The following RAB5A variants were observed in gnomAD, a reference collection of about 807,000 sequenced individuals.
The protein encoded by RAB5A is ras-related protein Rab-5A.
In RAB5A, 8 loss-of-function variants were observed where a neutral mutation model predicts 25.7. That is an observed-to-expected ratio of 0.31 (90% CI 0.18 to 0.56). RAB5A has a LOEUF of 0.56. Ranked by LOEUF, RAB5A falls within the 20% of genes least tolerant of loss-of-function variation. The pLI, the probability that RAB5A is intolerant of heterozygous loss-of-function variation, is 0.91. For missense variants in RAB5A, 192 were observed against 259.7 expected (o/e 0.74, Z 1.79); for synonymous variants, 98 against 89.8 (o/e 1.09, Z -0.52).
chr3:19,976,927 T>C (rs182583421), intron 4 of RAB5A, among the ~76,000 whole-genome samples: 64 of 152,248 alleles, frequency 4.2e-4, no homozygotes, highest in African/African-American at 1.5e-3. Context: ...AGTTGGAAAA[T>C]AATAAGCTAA....
At chr3:19,981,761 C>T (rs1420429556) in intron 5 of RAB5A, among the ~76,000 whole-genome samples, 1 of 152,010 alleles carries the variant, frequency 6.6e-6, no homozygotes, top group African/African-American at 2.4e-5. Flanking sequence ...CAGCCACTAG[C>T]TGTATAGAGC....
At chr3:19,962,463 GA>G (rs11322428) in intron 2 of RAB5A, among the ~76,000 whole-genome samples, 108,976 of 151,818 alleles carry the variant, frequency 0.72, 39,772 homozygotes, top group Non-Finnish European at 0.77. Flanking sequence ...AGTTACTCGG[GA>G]AGGCTGAGGC....
rs542224748 is a variant in RAB5A at position 19,983,872 on chromosome 3, A to G, written c.*49A>G. ...ATAGTCTTCTGCTTCCTAAATGTTA[A>G]TAACAATGGAATTGGAGCATTTAAC... On this transcript the variant is annotated 3_prime_UTR_variant, in exon 6 of 6. Transcript: ENST00000273047. 1 of 1,282,364 alleles carries G rather than the reference A, an allele frequency of 7.8e-7. No homozygotes were observed. The highest frequency in any genetic ancestry group is 1.3e-5 in the South Asian group (1 of 78,068). The allele number at this position is 1,282,364 out of a possible 1,614,324, so 79.4% of individuals were successfully genotyped here. A position where few individuals can be genotyped will look rare whatever the true frequency, so the allele number is the denominator to read the frequency against.
At chr3:19,970,504 C>G (rs757750945) in intron 2 of RAB5A, 20 of 456,358 alleles carry the variant, frequency 4.4e-5, no homozygotes, top group Non-Finnish European at 7.1e-5. Context: ...GCACCCACAT[C>G]TCAACGCAGC....
At chr3:19,970,180 G>A (rs372311857) in intron 2 of RAB5A, among the ~76,000 whole-genome samples, 16 of 152,302 alleles carry the variant, frequency 1.1e-4, no homozygotes, top group East Asian at 3.9e-4. Flanking sequence ...GATTACAGGC[G>A]TGAGCCACTA....
chr3:19,949,627 A>G (rs1259754472), intron 1 of RAB5A, among the ~76,000 whole-genome samples: 1 of 152,250 alleles, frequency 6.6e-6, no homozygotes, highest in Non-Finnish European at 1.5e-5. Context: ...GAAACTGTTA[A>G]GATTGGTTTG....
At chr3:19,953,411 C>CTTTTT (rs11383693) in intron 2 of RAB5A, among the ~76,000 whole-genome samples, 13 of 134,546 alleles carry the variant, frequency 9.7e-5, no homozygotes, top group African/African-American at 3.6e-4. Flanking sequence ...TCTGTTAATC[C>CTTTTT]TTTTTTTTTT....
intron 2 of RAB5A, among the ~76,000 whole-genome samples, chr3:19,969,819 T>C (rs1696718637): frequency 6.6e-6 from 1 of 152,234 alleles, no homozygotes; most frequent in Admixed American, 6.5e-5. Context: ...TTTCTTTTTT[T>C]TCTTGAGACG....
intron 4 of RAB5A, among the ~76,000 whole-genome samples, chr3:19,976,521 A>C (rs911884506): frequency 1.3e-5 from 2 of 152,144 alleles, no homozygotes; most frequent in East Asian, 3.9e-4. Context: ...CCCTGTCTCT[A>C]CTAAAAATAC....
chr3:19,961,845 A>G (rs560495854), intron 2 of RAB5A, among the ~76,000 whole-genome samples: 2 of 152,334 alleles, frequency 1.3e-5, no homozygotes, highest in Admixed American at 6.5e-5. Flanking sequence ...GAAATATGTC[A>G]GATGTACTGT....
intron 2 of RAB5A, among the ~76,000 whole-genome samples, chr3:19,967,535 A>T (rs151063128): frequency 0.01 from 1,571 of 152,292 alleles, 13 homozygotes; most frequent in Non-Finnish European, 0.016. Flanking sequence ...CCCTTATCAG[A>T]TGCTCATTGA....
chr3:19,981,609 G>A (rs917509809), intron 5 of RAB5A, among the ~76,000 whole-genome samples: 3 of 136,614 alleles, frequency 2.2e-5, no homozygotes, highest in South Asian at 4.7e-4. Context: ...GCGAGACTCC[G>A]CCTCAAAAAA....
At chr3:19,963,364 A>AACCC (rs1696615859) in intron 2 of RAB5A, among the ~76,000 whole-genome samples, 17 of 60,958 alleles carry the variant, frequency 2.8e-4, no homozygotes, top group East Asian at 1.8e-3. Context: ...TTAGAATTTC[A>AACCC]CCCCCCCCCC....
chr3:19,975,001 G>A (rs1364153045), intron 2 of RAB5A, among the ~76,000 whole-genome samples: 5 of 152,092 alleles, frequency 3.3e-5, no homozygotes, highest in South Asian at 2.1e-4. Context: ...CAAGGTGGGC[G>A]GATCACCTGA....
intron 2 of RAB5A, among the ~76,000 whole-genome samples, chr3:19,953,582 A>G (rs1696456810): frequency 6.6e-6 from 1 of 151,814 alleles, no homozygotes; most frequent in Non-Finnish European, 1.5e-5. Context: ...CAATTTTTGT[A>G]TTTTTAGTAG....
chr3:19,969,114 G>A (rs1219090339), intron 2 of RAB5A, among the ~76,000 whole-genome samples: 1 of 130,130 alleles, frequency 7.7e-6, no homozygotes, highest in Non-Finnish European at 1.6e-5. Flanking sequence ...GCACGATCTT[G>A]GCTCACTGCA....
chr3:19,979,563 G>A (rs1696883532), intron 5 of RAB5A, among the ~76,000 whole-genome samples: 1 of 152,156 alleles, frequency 6.6e-6, no homozygotes, highest in South Asian at 2.1e-4. Flanking sequence ...GGGATTACAG[G>A]CGCGAGCCAC....
intron 2 of RAB5A, among the ~76,000 whole-genome samples, chr3:19,974,798 C>T (rs1023665869): frequency 1.1e-4 from 17 of 151,592 alleles, no homozygotes; most frequent in African/African-American, 2.4e-4. Context: ...TGCCAGTGTG[C>T]GCCAATAAAA....
intron 2 of RAB5A, among the ~76,000 whole-genome samples, chr3:19,953,612 C>T (rs1421855991): frequency 6.6e-6 from 1 of 151,936 alleles, no homozygotes; most frequent in Admixed American, 6.6e-5. Flanking sequence ...TTCACCATGT[C>T]GGTCGGGTTG....
Sources: allele counts gnomAD v4.1 joint callset (sites outside exome capture counted in the v4.1 genomes callset), GRCh38; gene constraint gnomAD v4.1.1; transcripts MANE v1.5; gene names NCBI Gene and HGNC (gene_info 2026-07-23, HGNC 2026-07-21).